IL23R: variants seen among roughly 807,000 people sequenced by gnomAD.
The protein encoded by IL23R is interleukin 23 receptor.
In IL23R, 34 loss-of-function variants were observed where a neutral mutation model predicts 56.9. The observed-to-expected ratio is 0.60, with a 90% CI of 0.45 to 0.80. IL23R has a LOEUF of 0.80. IL23R is among the 30% of genes least tolerant of loss of function. The probability of loss-of-function intolerance (pLI) is 0.00; values close to 1 mark genes in which losing one functional copy is unlikely to be tolerated. For synonymous variants in IL23R, 230 were observed against 249.2 expected, an observed-to-expected ratio of 0.92 and a Z score of 0.73; for missense variants, 635 against 730.0, an observed-to-expected ratio of 0.87 and a Z score of 1.50.
At chr1:67,212,110 C>G (rs1424547942) in intron 6 of IL23R, among the ~76,000 whole-genome samples, 2 of 151,872 alleles carry the variant, frequency 1.3e-5, no homozygotes, top group African/African-American at 4.8e-5. Context: ...CCACTTCTGT[C>G]TCCTCCACCA....
intron 7 of IL23R, among the ~76,000 whole-genome samples, chr1:67,231,569 C>T (rs897155503): frequency 3.3e-5 from 5 of 151,946 alleles, no homozygotes; most frequent in East Asian, 1.9e-4. Context: ...GACTGAGTTT[C>T]GTTTGAGTCT....
At chr1:67,248,617 T>G (rs1652400677) in intron 9 of IL23R, among the ~76,000 whole-genome samples, 1 of 152,222 alleles carries the variant, frequency 6.6e-6, no homozygotes, top group South Asian at 2.1e-4. Flanking sequence ...TTCTGTCAAT[T>G]CATCAAACTC....
At chr1:67,208,168 G>C (rs1234884083) in intron 6 of IL23R, among the ~76,000 whole-genome samples, 1 of 152,196 alleles carries the variant, frequency 6.6e-6, no homozygotes, top group Non-Finnish European at 1.5e-5. Context: ...CATTCAAGTG[G>C]TGATTTGGGT....
At chr1:67,171,913 G>A (rs1377835722) in intron 3 of IL23R, among the ~76,000 whole-genome samples, 1 of 152,202 alleles carries the variant, frequency 6.6e-6, no homozygotes, top group East Asian at 1.9e-4. Context: ...ACCAGGCAAT[G>A]TAGAAGGTAA....
intron 1 of IL23R, among the ~76,000 whole-genome samples, chr1:67,141,884 G>A (rs759806472): frequency 5.3e-5 from 8 of 152,280 alleles, no homozygotes; most frequent in Middle Eastern, 6.8e-3. Flanking sequence ...TAAGCATTTC[G>A]TGGGGCAGGG....
intron 6 of IL23R, among the ~76,000 whole-genome samples, chr1:67,208,683 T>A (rs1443547884): frequency 6.6e-6 from 1 of 152,102 alleles, no homozygotes; most frequent in Non-Finnish European, 1.5e-5. Flanking sequence ...GATGGCCAGG[T>A]GAAAGTTTGC....
chr1:67,220,838 A>C (rs1220769308), intron 7 of IL23R, among the ~76,000 whole-genome samples: 1 of 152,202 alleles, frequency 6.6e-6, no homozygotes, highest in Admixed American at 6.5e-5. Flanking sequence ...TCCTGGGCTC[A>C]AGCAATCCTC....
chr1:67,175,731 GT>G (rs1646999232), intron 3 of IL23R, among the ~76,000 whole-genome samples: 1 of 152,176 alleles, frequency 6.6e-6, no homozygotes, highest in South Asian at 2.1e-4. Flanking sequence ...AAAATGAGTA[GT>G]GGAAAATGTG....
intron 7 of IL23R, among the ~76,000 whole-genome samples, chr1:67,231,312 C>A (rs1437350066): frequency 6.6e-6 from 1 of 152,188 alleles, no homozygotes; most frequent in Non-Finnish European, 1.5e-5. Context: ...CAATGATATA[C>A]ATCCAAAACC....
rs568973351 is a variant in IL23R, at chr1:67,172,073, A to T, written c.367+2435A>T. ...TACATAGGCCTCTGGTTATGAGTGT[A>T]AAAATGTAACTGCCAGGTGAGAATT... On this transcript the variant is annotated intron_variant, in intron 3 of 10. Transcript: ENST00000347310. Among the ~76,000 whole-genome samples, 4 of 152,332 alleles carry T rather than the reference A, an allele frequency of 2.6e-5. No homozygotes were observed. In the East Asian group the frequency reaches 7.7e-4, roughly 29 times the overall value.
At position 67,228,018 on chromosome 1, in the gene IL23R, C is replaced by A. The variant is rs1223349348; in HGVS notation, c.955+8288C>A. On this transcript the variant is annotated intron_variant, in intron 7 of 10. Coordinates refer to ENST00000347310, the MANE Select transcript of IL23R (RefSeq NM_144701.3). ...TCTTTCTTTCTTTCTTTCTTTCTTT[C>A]TTCCTTTCTTTCTTTTCTTTCTTTC... Among the ~76,000 whole-genome samples, 5 of 69,838 alleles carry A rather than the reference C, an allele frequency of 7.2e-5. 1 individual carries two copies. The highest frequency in any genetic ancestry group is 2.9e-4 in the African/African-American group (5 of 17,058). 45.8% of individuals were successfully genotyped at this position (69,838 alleles called of 152,430 possible).
chr1:67,207,584 C>T (rs546398154), intron 6 of IL23R: 18 of 364,030 alleles, frequency 4.9e-5, no homozygotes, highest in East Asian at 9.0e-5. Context: ...AGATCTGATG[C>T]GTTTATCAGA....
chr1:67,191,316 T>C (rs1162747482), intron 4 of IL23R, among the ~76,000 whole-genome samples: 1 of 152,210 alleles, frequency 6.6e-6, no homozygotes, highest in African/African-American at 2.4e-5. Context: ...GCCTCCCTCA[T>C]TGACTAATGC....
At chr1:67,252,025 T>C (rs546511685) in intron 9 of IL23R, among the ~76,000 whole-genome samples, 2 of 152,218 alleles carry the variant, frequency 1.3e-5, no homozygotes, top group Non-Finnish European at 2.9e-5. Flanking sequence ...CAGTTTTTTT[T>C]TAATGCACTT....
intron 5 of IL23R, among the ~76,000 whole-genome samples, chr1:67,201,224 G>A (rs1469974984): frequency 2.0e-5 from 3 of 151,852 alleles, no homozygotes; most frequent in Non-Finnish European, 4.4e-5. Context: ...TTAACATGGT[G>A]AAACCCTGTC....
At chr1:67,223,344 C>A (rs1570881925) in intron 7 of IL23R, among the ~76,000 whole-genome samples, 2 of 152,140 alleles carry the variant, frequency 1.3e-5, no homozygotes, top group East Asian at 1.9e-4. Flanking sequence ...AATTTAAGGT[C>A]TGTTTCCTGA....
chr1:67,202,172 A>C (rs1342657534), intron 5 of IL23R, among the ~76,000 whole-genome samples: 5 of 152,184 alleles, frequency 3.3e-5, no homozygotes, highest in African/African-American at 1.2e-4. Flanking sequence ...TCAATAAGCT[A>C]ACATTTATTG....
At chr1:67,197,660 C>T (rs1648263481) in intron 4 of IL23R, among the ~76,000 whole-genome samples, 1 of 152,170 alleles carries the variant, frequency 6.6e-6, no homozygotes, top group South Asian at 2.1e-4. Flanking sequence ...AAAGAAATAT[C>T]TAGACCAGGT....
In IL23R at chr1:67,218,326, A is replaced by G. The variant is rs4990220; in HGVS notation, c.799-1248A>G. The stretch of plus-strand genomic sequence containing the variant: ...TATACATATATACACATATATGCAT[A>G]TGTGTGTGTGTGTGTGTGTGTGTGT... On this transcript the variant is annotated intron_variant, in intron 6 of 10. Coordinates refer to ENST00000347310, the MANE Select transcript of IL23R (RefSeq NM_144701.3). 8.2e-3 allele frequency among the ~76,000 whole-genome samples: 1,019 copies of G among 124,688 alleles called. 7 individuals are homozygous for G. Among genetic ancestry groups the G allele is most frequent in the African/African-American group, 0.011 (395 of 35,934 alleles). 81.8% of individuals were successfully genotyped at this position (124,688 alleles called of 152,430 possible).
Sources: gnomAD v4.1 joint callset for allele counts (sites outside exome capture counted in the v4.1 genomes callset) on GRCh38, gnomAD v4.1.1 for gene constraint, MANE v1.5 for transcripts, NCBI Gene and HGNC (gene_info 2026-07-23, HGNC 2026-07-21) for gene names.